The following LAMB2 variants were observed in gnomAD, a reference collection of about 807,000 sequenced individuals.
LAMB2 encodes laminin subunit beta 2, also known as laminin subunit beta-2.
Under a neutral mutation model 202.7 loss-of-function variants are expected in LAMB2, and 119 were observed. That is an observed-to-expected ratio of 0.59 (90% CI 0.51 to 0.68). LAMB2 has a LOEUF of 0.68. Ranked by LOEUF, LAMB2 falls within the 30% of genes least tolerant of loss-of-function variation. The pLI, the probability that LAMB2 is intolerant of heterozygous loss-of-function variation, is 0.00. For missense variants in LAMB2, 2,124 were observed against 2,410.6 expected, an observed-to-expected ratio of 0.88 and a Z score of 2.49; for synonymous variants, 818 against 902.2, an observed-to-expected ratio of 0.91 and a Z score of 1.67.
chr3:49,125,330 C>A lies in LAMB2; in HGVS notation c.2643G>T (p.Gly881=). 4 of 1,614,094 alleles carry A rather than the reference C, an allele frequency of 2.5e-6. No homozygotes were observed. The Middle Eastern group carries it at 4.9e-4, about 200-fold the overall frequency. The change falls in exon 19 of 32, where the codon GGG becomes GGT. Residue 881 remains glycine, a synonymous_variant. Transcript: ENST00000305544. ...TGTGGGTGTTGCACTCATCTGCATG[C>A]CCATTGCAGACACATGGCCGGCAGC... The part of the protein sequence containing the change: ...FPSCRPCVCN[G]HADECNTHTG...
intron 27 of LAMB2, 145 bp downstream of exon 27, chr3:49,122,559 G>T: frequency 2.2e-6 from 2 of 925,280 alleles, no homozygotes; most frequent in East Asian, 2.4e-5. Context: ...GACCACATAT[G>T]GGCAATAACT....
In LAMB2 at chr3:49,128,496, C is replaced by T. The variant is rs2107642118; in HGVS notation, c.1980G>A (p.Lys660=). The T allele has an allele frequency of 6.2e-7, 1 of 1,614,158 alleles. No homozygotes were observed. Among genetic ancestry groups the T allele is most frequent in the Admixed American group, 1.7e-5 (1 of 60,028 alleles). ...AHSLCGHLVP[K]DDRIQGTLQP... The stretch of plus-strand genomic sequence containing the variant: ...GCAGAGTCCCTTGGATGCGATCATC[C>T]TTGGGCACCAAATGCCCACACAGGC... The change falls in exon 15 of 32, where the codon AAG becomes AAA. Residue 660 remains lysine (K), a synonymous_variant. Coordinates refer to ENST00000305544, the MANE Select transcript of LAMB2 (RefSeq NM_002292.4).
rs1131795 is a variant in LAMB2 at position 49,125,791 on chromosome 3, A to T, written c.2444T>A (p.Leu815His). The change falls in exon 18 of 32, where the codon CTC (leucine) becomes CAC (histidine). Residue 815 changes from leucine (L) to histidine (H), a missense_variant. Physicochemically the swap from Leu to His is moderately conservative, Grantham distance 99. Around this residue, in one of 3 missense-constraint regions of LAMB2, gnomAD observed 1,702 missense variants for 1,896.3 expected, o/e 0.90. Transcript: ENST00000305544. ...AAAGCCATAGTAGCCAGGGGCACAG[A>T]GGTCACAGCGGCGCCCAACCACTCC... ...KPGVVGRRCD[L>H]CAPGYYGFGP... 6.2e-7 allele frequency: 1 copy of T among 1,613,948 alleles called. No individual in the cohort carries two copies. The highest frequency in any genetic ancestry group is 8.5e-7 in the Non-Finnish European group (1 of 1,180,002).
At position 49,129,356 on chromosome 3, in the gene LAMB2, C is replaced by G. The variant is rs371638059; in HGVS notation, c.1519-32G>C. 6 of 1,570,330 alleles carry G rather than the reference C, an allele frequency of 3.8e-6. No homozygotes were observed. Among genetic ancestry groups the G allele is most frequent in the African/African-American group, 2.7e-5 (2 of 74,028 alleles). On this transcript the variant is annotated intron_variant, in intron 11 of 31. Transcript: ENST00000305544. The surrounding 1 kb of genome is among the most constrained non-coding windows in gnomAD (Gnocchi z 6.1). Reference sequence around the variant, plus strand: ...GAAAGGAGTTGCTGGGGGCCAGAAACAGACCTCCAGACCCCATCACCACCC... The same window carrying G: ...GAAAGGAGTTGCTGGGGGCCAGAAAGAGACCTCCAGACCCCATCACCACCC...
rs764276745 is a variant in LAMB2, at chr3:49,124,513, T to C, written c.3209A>G (p.Asn1070Ser). Residue 1070 changes from asparagine (N) to serine (S), a missense_variant, in exon 22 of 32, where the codon AAT becomes AGT. Physicochemically the swap from Asn to Ser is conservative, Grantham distance 46. Around this residue, in one of 3 missense-constraint regions of LAMB2, gnomAD observed 1,702 missense variants for 1,896.3 expected, o/e 0.90. Coordinates refer to ENST00000305544, the MANE Select transcript of LAMB2 (RefSeq NM_002292.4). Reference sequence around the variant, plus strand: ...GCGGTCACAGCTAGGGCCCTGGACATTGGGGAGGCATGGGCACTGCCCACT... The same window carrying C: ...GCGGTCACAGCTAGGGCCCTGGACACTGGGGAGGCATGGGCACTGCCCACT... ...PSSGQCPCLP[N>S]VQGPSCDRCA... The C allele has an allele frequency of 9.3e-6, 15 of 1,613,728 alleles. No individual in the cohort carries two copies. In the African/African-American group the frequency reaches 9.3e-5, roughly 10 times the overall value.
chr3:49,129,537 T>G lies in LAMB2; in HGVS notation c.1518+67A>C. 7.4e-7 allele frequency: 1 copy of G among 1,346,364 alleles called. No homozygotes were observed. The highest frequency in any genetic ancestry group is 1.2e-5 in the South Asian group (1 of 83,722). The allele number at this position is 1,346,364 out of a possible 1,614,324, so 83.4% of individuals were successfully genotyped here. A position where few individuals can be genotyped will look rare whatever the true frequency, so the allele number is the denominator to read the frequency against. On this transcript the variant is annotated intron_variant, in intron 11 of 31. Coordinates refer to ENST00000305544, the MANE Select transcript of LAMB2 (RefSeq NM_002292.4). The surrounding 1 kb of genome is among the most constrained non-coding windows in gnomAD (Gnocchi z 6.1). ...CAGCACCCACCCACTGGCATAGATGTGACACCCCAGCCCTGTGCTCTAAGG... is the reference window on the plus strand; with the variant it reads ...CAGCACCCACCCACTGGCATAGATGGGACACCCCAGCCCTGTGCTCTAAGG...
rs1343787105 is a variant in LAMB2, at chr3:49,132,438, A to G, written c.250-33T>C. On this transcript the variant is annotated intron_variant, in intron 2 of 31. Transcript: ENST00000305544. This position sits in a 1 kb window ranked among gnomAD's most constrained non-coding sequence, Gnocchi z 4.6. ...GGATGGGGATTAGAATCAGTGCCTC[A>G]GGCAGTGCCAGCCCCACCCTGACTC... 1.2e-6 allele frequency: 2 copies of G among 1,614,242 alleles called. No individual in the cohort carries two copies. Among genetic ancestry groups the G allele is most frequent in the African/African-American group, 2.7e-5 (2 of 75,070 alleles).
Position 49,129,695 on chromosome 3 carries a change from C to T in LAMB2, c.1427G>A (p.Gly476Asp), listed in dbSNP as rs2045460416. The T allele has an allele frequency of 6.2e-7, 1 of 1,613,880 alleles. No homozygotes were observed. Among genetic ancestry groups the T allele is most frequent in the Non-Finnish European group, 8.5e-7 (1 of 1,179,794 alleles). ...GCRRCQCNAR[G>D]TVPGSTPCDP... is the part of the protein sequence containing the mutation. ...ACAAGGAGTGCTCCCAGGCACTGTG[C>T]CCCGTGCATTACATTGACATCCTGC... The change falls in exon 11 of 32, where the codon GGC becomes GAC. Residue 476 changes from glycine to aspartate, a missense_variant. By Grantham distance (94) the Gly-to-Asp change is moderately conservative. This residue lies in a region of LAMB2 where 1,702 missense variants were observed against 1,896.3 expected (regional missense o/e 0.90). Coordinates refer to ENST00000305544, the MANE Select transcript of LAMB2 (RefSeq NM_002292.4). The surrounding 1 kb of genome is among the most constrained non-coding windows in gnomAD (Gnocchi z 6.1).
At position 49,121,306 on chromosome 3, in the gene LAMB2, A is replaced by T. The variant is rs750938320; in HGVS notation, c.5317T>A (p.Leu1773Met). Residue 1773 changes from leucine to methionine, a missense_variant, in exon 32 of 32, where the codon TTG becomes ATG. By Grantham distance (15) the Leu-to-Met change is conservative (BLOSUM62 2). This residue lies in a region of LAMB2 where 1,702 missense variants were observed against 1,896.3 expected (regional missense o/e 0.90). Transcript: ENST00000305544. ...ERALESKAAQ[L>M]DGLEARMRSV... Reference sequence around the variant, plus strand: ...CGCATCCTGGCCTCCAACCCGTCCAACTGGGCTGCCTTACTCTCCAGTGCC... The same window carrying T: ...CGCATCCTGGCCTCCAACCCGTCCATCTGGGCTGCCTTACTCTCCAGTGCC... The T allele has an allele frequency of 1.2e-6, 2 of 1,613,580 alleles. No homozygotes were observed. Among genetic ancestry groups the T allele is most frequent in the Non-Finnish European group, 1.7e-6 (2 of 1,180,036 alleles).
intron 15 of LAMB2, among the ~76,000 whole-genome samples, chr3:49,127,308 A>G (rs557646361): frequency 2.4e-4 from 37 of 152,256 alleles, no homozygotes; most frequent in South Asian, 8.3e-4. Flanking sequence ...TTTTCTAAAC[A>G]CAAGTCACAG....
rs761169384 is a variant in LAMB2, at chr3:49,123,651, G to T, written c.3798-20C>A. ...TCACGCCTGCAATGATGGAGAGGGG[G>T]GTGTTTAGAGAGGCTTCAGCCCTGG... is the stretch of plus-strand genomic sequence containing the variant. On this transcript the variant is annotated intron_variant, in intron 24 of 31. Transcript: ENST00000305544. 6 of 1,614,000 alleles carry T rather than the reference G, an allele frequency of 3.7e-6. No homozygotes were observed. The highest frequency in any genetic ancestry group is 5.1e-6 in the Non-Finnish European group (6 of 1,180,040).
intron 15 of LAMB2, among the ~76,000 whole-genome samples, chr3:49,127,694 C>G (rs996751580): frequency 3.4e-5 from 5 of 149,010 alleles, no homozygotes; most frequent in Non-Finnish European, 7.4e-5. Flanking sequence ...GACTCCATCT[C>G]AAAAACAAAC....
rs762308643 is a variant in LAMB2 at position 49,122,791 on chromosome 3, C to T, written c.4486G>A (p.Asp1496Asn). Residue 1496 changes from aspartate to asparagine, a missense_variant, in exon 27 of 32, where the codon GAC becomes AAC. Asp to Asn is a conservative substitution (Grantham distance 23, BLOSUM62 1). Around this residue, in one of 3 missense-constraint regions of LAMB2, gnomAD observed 1,702 missense variants for 1,896.3 expected, o/e 0.90. Transcript: ENST00000305544. ...EAQQRAQAAL[D>N]KANASRGQVE... ...TGTCCCCTGGAAGCATTAGCCTTGT[C>T]CAGGGCTGCCTGGGCCCGCTGCTGT... The T allele has an allele frequency of 6.2e-7, 1 of 1,613,944 alleles. No homozygotes were observed. Among genetic ancestry groups the T allele is most frequent in the African/African-American group, 1.3e-5 (1 of 74,936 alleles).
intron 19 of LAMB2, 32 bp downstream of exon 19, chr3:49,125,221 A>G: frequency 1.2e-6 from 2 of 1,613,616 alleles, no homozygotes; most frequent in Non-Finnish European, 1.7e-6. Flanking sequence ...CCTGCCCACC[A>G]ACCAACCCAC....
intron 15 of LAMB2, among the ~76,000 whole-genome samples, chr3:49,127,212 C>G (rs935190415): frequency 1.3e-5 from 2 of 152,104 alleles, no homozygotes; most frequent in African/African-American, 4.8e-5. Flanking sequence ...TCTTGAATTC[C>G]TGGGCTCAAG....
rs1313309879 is a variant in LAMB2, at chr3:49,128,745, T to C, written c.1806A>G (p.Leu602=). ...PSWTGSGFVR[L]QEGQTLEFLV... ...GGAACTCCAGGGTCTGACCTTCCTG[T>C]AGCCGCACGAAGCCTGAGCCAGTCC... The change falls in exon 14 of 32, where the codon CTA becomes CTG. Residue 602 remains leucine (L), a synonymous_variant. Coordinates refer to ENST00000305544, the MANE Select transcript of LAMB2 (RefSeq NM_002292.4). 1 of 1,614,110 alleles carries C rather than the reference T, an allele frequency of 6.2e-7. No homozygotes were observed. Among genetic ancestry groups the C allele is most frequent in the South Asian group, 1.1e-5 (1 of 91,082 alleles).
At chr3:49,122,677 A>G (rs376677197) in intron 27 of LAMB2, 27 bp downstream of exon 27, 2 of 1,585,766 alleles carry the variant, frequency 1.3e-6, no homozygotes, top group Non-Finnish European at 1.7e-6. Flanking sequence ...GGACAACCAC[A>G]TGGCCTGGGA....
At position 49,132,530 on chromosome 3, in the gene LAMB2, C is replaced by G; in HGVS notation, c.210G>C (p.Leu70=). ...DRLTASSTCG[L]NGPQPYCIVS... is the part of the protein sequence containing the mutation. ...CGATGCAGTAGGGCTGGGGGCCATT[C>G]AGGCCACAAGTGGATGAGGCAGTCA... The change falls in exon 2 of 32, where the codon CTG becomes CTC. Residue 70 remains leucine, a synonymous_variant. Coordinates refer to ENST00000305544, the MANE Select transcript of LAMB2 (RefSeq NM_002292.4). The surrounding 1 kb of genome is among the most constrained non-coding windows in gnomAD (Gnocchi z 4.6). The G allele has an allele frequency of 6.2e-7, 1 of 1,613,736 alleles. No homozygotes were observed. The highest frequency in any genetic ancestry group is 8.5e-7 in the Non-Finnish European group (1 of 1,180,036).
chr3:49,123,578 G>T lies in LAMB2; in HGVS notation c.3851C>A (p.Thr1284Lys). 2.5e-6 allele frequency: 4 copies of T among 1,614,190 alleles called. No individual in the cohort carries two copies. The highest frequency in any genetic ancestry group is 3.4e-6 in the Non-Finnish European group (4 of 1,180,046). ...ATTGAAGTTCTCATCTTGCACATCT[G>T]TCAGGTCTGCCTCGAGCTGAGTCAG... is the stretch of plus-strand genomic sequence containing the variant. ...EHLTQLEADLTDVQDENFNAN... is the reference protein window; with the variant it reads ...EHLTQLEADLKDVQDENFNAN... Residue 1284 changes from threonine (T) to lysine (K), a missense_variant, in exon 25 of 32, where the codon ACA becomes AAA. Around this residue, in one of 3 missense-constraint regions of LAMB2, gnomAD observed 1,702 missense variants for 1,896.3 expected, o/e 0.90. Coordinates refer to ENST00000305544, the MANE Select transcript of LAMB2 (RefSeq NM_002292.4).
Sources: gnomAD v4.1 joint callset for allele counts (sites outside exome capture counted in the v4.1 genomes callset) on GRCh38, gnomAD v4.1.1 for gene constraint, gnomAD v4.1.1 regional missense constraint, Gnocchi (gnomAD v3.1) non-coding constraint, MANE v1.5 for transcripts, NCBI Gene and HGNC (gene_info 2026-07-23, HGNC 2026-07-21) for gene names.